Variants in OSR1 observed in about 807,000 individuals in gnomAD.
OSR1 encodes protein odd-skipped-related 1.
Under a neutral mutation model 15.7 loss-of-function variants are expected in OSR1, and 3 were observed. The observed-to-expected ratio is 0.19, with a 90% CI of 0.09 to 0.50. OSR1 has a LOEUF of 0.50. OSR1 is among the 20% of genes least tolerant of loss of function. OSR1 has a pLI of 0.97. For missense variants in OSR1, 271 were observed against 351.1 expected, an observed-to-expected ratio of 0.77 and a Z score of 1.82; for synonymous variants, 166 against 152.7, an observed-to-expected ratio of 1.09 and a Z score of -0.64.
rs12329305 is a variant in OSR1 at position 19,353,152 on chromosome 2, C to T, written c.654G>A (p.Leu218=). 0.051 allele frequency: 82,175 copies of T among 1,613,510 alleles called. 4,467 individuals are homozygous for T. The highest frequency in any genetic ancestry group is 0.28 in the African/African-American group (21,055 of 74,988). The change falls in exon 2 of 3, where the codon CTG becomes CTA. Residue 218 remains leucine (L), a synonymous_variant. Transcript: ENST00000272223. ...CCGCAGTGCCGCACCTGTGGTCTCGCAGGTGGTCTTGCCTCCGGAAGGCTT... is the reference window on the plus strand; with the variant it reads ...CCGCAGTGCCGCACCTGTGGTCTCGTAGGTGGTCTTGCCTCCGGAAGGCTT... The part of the protein sequence containing the change: ...CHKAFRRQDH[L]RDHRYIHSKE...
chr2:19,353,993 A>T, intron 1 of OSR1, 156 bp from the exon 2 acceptor site: 1 of 626,252 alleles, frequency 1.6e-6, no homozygotes, highest in African/African-American at 1.8e-5. Context: ...CACTGCCCTC[A>T]CAAAGAGGGT....
Position 19,357,543 on chromosome 2 carries a change from C to T in OSR1, c.-33+798G>A, listed in dbSNP as rs968987635. Among the ~76,000 whole-genome samples the T allele has an allele frequency of 6.6e-6, 1 of 152,124 alleles. No homozygotes were observed. The highest frequency in any genetic ancestry group is 1.5e-5 in the Non-Finnish European group (1 of 68,020). ...CTTTCTCTCCTGACGGCTGGATTAG[C>T]GGACAGTCAGGGGAGTAACAGAACT... On this transcript the variant is annotated intron_variant, in intron 1 of 2. Coordinates refer to ENST00000272223, the MANE Select transcript of OSR1 (RefSeq NM_145260.3). This position sits in a 1 kb window ranked among gnomAD's most constrained non-coding sequence, Gnocchi z 5.0.
chr2:19,348,879 G>A (rs1317748302), downstream of OSR1, among the ~76,000 whole-genome samples: 1 of 152,074 alleles, frequency 6.6e-6, no homozygotes, highest in Non-Finnish European at 1.5e-5. Flanking sequence ...CTGCCCAAGA[G>A]GCTGTCCTAG....
chr2:19,357,141 C>T lies in OSR1; in HGVS notation c.-33+1200G>A, dbSNP rs528717967. The stretch of plus-strand genomic sequence containing the variant: ...GGTCATCCGGCTGCACTTAAATGTC[C>T]GCTGCGTCCTCGGTGATCCATTCCC... On this transcript the variant is annotated intron_variant, in intron 1 of 2. Transcript: ENST00000272223. This position sits in a 1 kb window ranked among gnomAD's most constrained non-coding sequence, Gnocchi z 5.0. Among the ~76,000 whole-genome samples, 1 of 152,278 alleles carries T rather than the reference C, an allele frequency of 6.6e-6. No individual in the cohort carries two copies. Among genetic ancestry groups the T allele is most frequent in the East Asian group, 1.9e-4 (1 of 5,166 alleles).
downstream of OSR1, among the ~76,000 whole-genome samples, chr2:19,350,758 G>A (rs1664822530): frequency 6.6e-6 from 1 of 152,126 alleles, no homozygotes; most frequent in African/African-American, 2.4e-5. Flanking sequence ...TATGGAAGGC[G>A]GACTCGAATT....
At chr2:19,352,562 G>A in intron 2 of OSR1, 152 bp from the exon 3 acceptor site, 1 of 935,236 alleles carries the variant, frequency 1.1e-6, no homozygotes, top group Non-Finnish European at 1.6e-6. Flanking sequence ...ATGTTAATTG[G>A]GGATGGAGTG....
intron 2 of OSR1, 144 bp from the exon 3 acceptor site, chr2:19,352,554 G>C: frequency 2.0e-6 from 2 of 994,636 alleles, no homozygotes; most frequent in South Asian, 1.6e-5. Flanking sequence ...GGGACAAAAT[G>C]TTAATTGGGG....
In OSR1 at chr2:19,353,561, G is replaced by C; in HGVS notation, c.245C>G (p.Ala82Gly). ...VPGTVSSLVDARFQLPAFPWF... is the reference protein window; with the variant it reads ...VPGTVSSLVDGRFQLPAFPWF... Reference sequence around the variant, plus strand: ...GGGAAAGGCGGGCAGCTGGAAGCGCGCATCCACCAAGCTGGACACCGTGCC... The same window carrying C: ...GGGAAAGGCGGGCAGCTGGAAGCGCCCATCCACCAAGCTGGACACCGTGCC... The change falls in exon 2 of 3, where the codon GCG (alanine) becomes GGG (glycine). Residue 82 changes from alanine (A) to glycine (G), a missense_variant. Coordinates refer to ENST00000272223, the MANE Select transcript of OSR1 (RefSeq NM_145260.3). 1 of 1,614,158 alleles carries C rather than the reference G, an allele frequency of 6.2e-7. No homozygotes were observed. Among genetic ancestry groups the C allele is most frequent in the Non-Finnish European group, 8.5e-7 (1 of 1,180,016 alleles).
In OSR1 at chr2:19,353,328, T is replaced by G; in HGVS notation, c.478A>C (p.Lys160Gln). 6.2e-7 allele frequency: 1 copy of G among 1,614,222 alleles called. No individual in the cohort carries two copies. The highest frequency in any genetic ancestry group is 8.5e-7 in the Non-Finnish European group (1 of 1,180,036). The change falls in exon 2 of 3, where the codon AAG (lysine) becomes CAG (glutamine). Residue 160 changes from lysine (K) to glutamine (Q), a missense_variant. Around this residue, in one of 4 missense-constraint regions of OSR1, gnomAD observed 210 missense variants for 218.4 expected, o/e 0.96. Coordinates refer to ENST00000272223, the MANE Select transcript of OSR1 (RefSeq NM_145260.3). Reference sequence around the variant, plus strand: ...GGCAGACGTCCCCTTGTGGGCTTCTTTTCTGGAGACAGCTTGGTCACGTCG... The same window carrying G: ...GGCAGACGTCCCCTTGTGGGCTTCTGTTCTGGAGACAGCTTGGTCACGTCG... ...LLDVTKLSPE[K>Q]KPTRGRLPSK...
At chr2:19,354,722 A>G (rs1231460292) in intron 1 of OSR1, 3 of 152,230 alleles carry the variant, frequency 2.0e-5, no homozygotes, top group African/African-American at 7.2e-5. Context: ...GCTAATATCC[A>G]CATTCATTTA....
downstream of OSR1, among the ~76,000 whole-genome samples, chr2:19,348,113 A>T (rs1056337821): frequency 1.3e-5 from 2 of 152,084 alleles, no homozygotes; most frequent in Non-Finnish European, 2.9e-5. Flanking sequence ...TAGTGGGCGC[A>T]GAAGTGGGTG....
downstream of OSR1, among the ~76,000 whole-genome samples, chr2:19,348,806 T>C (rs193085568): frequency 5.3e-5 from 8 of 152,298 alleles, no homozygotes; most frequent in East Asian, 1.5e-3. Context: ...CCTGATATCT[T>C]ACCGGAGACA....
intron 1 of OSR1, chr2:19,358,084 G>T: frequency 6.6e-6 from 1 of 152,258 alleles, no homozygotes; most frequent in East Asian, 1.9e-4. Context: ...AGAGCCGGGC[G>T]GGCTGGCCGC....
chr2:19,346,773 A>G (rs1664736740), downstream of OSR1: 1 of 152,260 alleles, frequency 6.6e-6, no homozygotes, highest in Non-Finnish European at 1.5e-5. Flanking sequence ...GTTTCAATCA[A>G]TCAATCATAA....
At chr2:19,356,915 T>C (rs1260100044) in intron 1 of OSR1, 2 of 152,240 alleles carry the variant, frequency 1.3e-5, no homozygotes, top group Non-Finnish European at 2.9e-5. Flanking sequence ...AGTTAACTGC[T>C]TGCATTAATG....
chr2:19,348,299 T>C, downstream of OSR1: 1 of 152,396 alleles, frequency 6.6e-6, no homozygotes, highest in South Asian at 2.0e-4. Context: ...GGCGCCTGCC[T>C]GGGCCGATTC....
chr2:19,355,540 A>G (rs1308494799), intron 1 of OSR1: 2 of 152,348 alleles, frequency 1.3e-5, no homozygotes, highest in African/African-American at 2.4e-5. Flanking sequence ...TTTCTCCTGG[A>G]AGCTGGCACG....
chr2:19,352,023 C>T lies in OSR1; in HGVS notation c.*252G>A, dbSNP rs1208071297. The T allele has an allele frequency of 2.6e-5, 10 of 379,102 alleles. No individual in the cohort carries two copies. Among genetic ancestry groups the T allele is most frequent in the African/African-American group, 4.1e-5 (2 of 48,718 alleles). The allele number at this position is 379,102 out of a possible 1,614,324, so 23.5% of individuals were successfully genotyped here. A position where few individuals can be genotyped will look rare whatever the true frequency, so the allele number is the denominator to read the frequency against. On this transcript the variant is annotated 3_prime_UTR_variant, in exon 3 of 3. Coordinates refer to ENST00000272223, the MANE Select transcript of OSR1 (RefSeq NM_145260.3). ...TTCGTTCTTTTTTTAATGCAGTTTC[C>T]CTTCCGCCACGTGAGTACCGCCTTT... is the stretch of plus-strand genomic sequence containing the variant.
In OSR1 at chr2:19,353,761, G is replaced by C; in HGVS notation, c.45C>G (p.Ser15=). The C allele has an allele frequency of 6.2e-7, 1 of 1,613,782 alleles. No homozygotes were observed. The highest frequency in any genetic ancestry group is 2.2e-5 in the East Asian group (1 of 44,858). ...TLPAPVPIHP[S]LQLTNYSFLQ... ...GGAAGGAGTAGTTGGTGAGCTGCAG[G>C]GAAGGGTGGATAGGCACCGGCGCCG... is the stretch of plus-strand genomic sequence containing the variant. Residue 15 remains serine (S), a synonymous_variant, in exon 2 of 3, where the codon TCC becomes TCG. Coordinates refer to ENST00000272223, the MANE Select transcript of OSR1 (RefSeq NM_145260.3).
Sources: allele counts gnomAD v4.1 joint callset (sites outside exome capture counted in the v4.1 genomes callset), GRCh38; gene constraint gnomAD v4.1.1; regional missense constraint gnomAD v4.1.1; non-coding constraint Gnocchi (gnomAD v3.1); transcripts MANE v1.5; gene names NCBI Gene and HGNC (gene_info 2026-07-23, HGNC 2026-07-21).